Variants in RAB9B observed in about 807,000 individuals in gnomAD.
RAB9B encodes the protein ras-related protein Rab-9B.
In RAB9B, 1 loss-of-function variant was observed where a neutral mutation model predicts 8.9. The observed-to-expected ratio is 0.11, with a 90% CI of 0.04 to 0.53. The LOEUF (loss-of-function observed/expected upper bound fraction) is 0.53, where lower values mean the gene tolerates loss of function less well. RAB9B is among the 20% of genes least tolerant of loss of function. The probability of loss-of-function intolerance (pLI) is 0.93; values close to 1 mark genes in which losing one functional copy is unlikely to be tolerated. For synonymous variants in RAB9B, 63 were observed against 57.0 expected, an observed-to-expected ratio of 1.10 and a Z score of -0.47; for missense variants, 82 against 152.9, an observed-to-expected ratio of 0.54 and a Z score of 2.45.
the RAB9B span, among the ~76,000 whole-genome samples, chrX:103,814,705 A>T: frequency 8.9e-6 from 1 of 111,827 alleles, no homozygotes; most frequent in African/African-American, 3.3e-5. Context: ...ATTAATAAAG[A>T]AGAAAAGAGA....
the RAB9B span, among the ~76,000 whole-genome samples, chrX:103,815,673 T>C: frequency 4.5e-5 from 5 of 112,200 alleles, no homozygotes; most frequent in African/African-American, 9.7e-5. Context: ...TGATTGTATA[T>C]TTAGAAAACA....
At chrX:103,787,522 T>C in the RAB9B span, 1 of 417,189 alleles carries the variant, frequency 2.4e-6, no homozygotes, top group Non-Finnish European at 4.2e-6. Flanking sequence ...ACACCTTATC[T>C]GCCCAAAAAC....
At chrX:103,794,551 C>T in the RAB9B span, among the ~76,000 whole-genome samples, 5 of 111,755 alleles carry the variant, frequency 4.5e-5, no homozygotes, top group South Asian at 1.9e-3. Context: ...TAAGATATAA[C>T]ATATCAAAAC....
Position 103,822,402 on chromosome X carries a change from A to G in RAB9B, c.*2777T>C, listed in dbSNP as rs2074664814. 1 of 112,127 alleles carries G rather than the reference A, an allele frequency of 8.9e-6. No homozygotes were observed. Among genetic ancestry groups the G allele is most frequent in the Admixed American group, 9.5e-5 (1 of 10,556 alleles). 9.2% of individuals were successfully genotyped at this position (112,127 alleles called of 1,213,427 possible). A position where few individuals can be genotyped will look rare whatever the true frequency, so the allele number is the denominator to read the frequency against. On this transcript the variant is annotated 3_prime_UTR_variant, in exon 3 of 3. Coordinates refer to ENST00000243298, the MANE Select transcript of RAB9B (RefSeq NM_016370.4). ...TTACAGTTGAAAGAAAATATTTGAT[A>G]CACAATTTTGAGTTTTTTTTAGCAG...
chrX:103,821,924 T>C (rs1462827241), downstream of RAB9B, among the ~76,000 whole-genome samples: 2 of 111,077 alleles, frequency 1.8e-5, no homozygotes, highest in Non-Finnish European at 3.8e-5. Flanking sequence ...TAAATTATAA[T>C]AAAGAAATAA....
Position 103,824,895 on chromosome X carries a change from T to C in RAB9B, c.*284A>G, listed in dbSNP as rs1269463928. The C allele has an allele frequency of 5.4e-6, 1 of 184,095 alleles. No individual in the cohort carries two copies. The highest frequency in any genetic ancestry group is 3.0e-5 in the African/African-American group (1 of 33,357). The allele number at this position is 184,095 out of a possible 1,213,427, so 15.2% of individuals were successfully genotyped here. ...GGTTTAAACTGTGATTTAAAAAATA[T>C]TTAACTGTCTCAGGACTAAAATTTT... On this transcript the variant is annotated 3_prime_UTR_variant, in exon 3 of 3. Transcript: ENST00000243298.
At chrX:103,785,678 G>T in the RAB9B span, 9 of 1,209,531 alleles carry the variant, frequency 7.4e-6, no homozygotes, top group South Asian at 1.6e-4. Flanking sequence ...CTGTTCTGTG[G>T]CTGTGGACAT....
chrX:103,831,818 G>C (rs777125546), intron 1 of RAB9B, among the ~76,000 whole-genome samples: 12 of 110,569 alleles, frequency 1.1e-4, no homozygotes, highest in Non-Finnish European at 1.9e-4. Context: ...TCCCCACGGA[G>C]CCCTGCGCCT....
At chrX:103,785,151 C>T in the RAB9B span, among the ~76,000 whole-genome samples, 3 of 110,939 alleles carry the variant, frequency 2.7e-5, no homozygotes, top group Non-Finnish European at 3.8e-5. Context: ...TCTTGGCTCA[C>T]GGCAACCTCC....
chrX:103,788,896 T>C, the RAB9B span: 1 of 275,939 alleles, frequency 3.6e-6, no homozygotes, highest in Non-Finnish European at 6.4e-6. Context: ...AATTTGGAAC[T>C]TCTTTATCTC....
downstream of RAB9B, chrX:103,822,238 T>C (rs1480246310): frequency 1.8e-5 from 2 of 112,141 alleles, no homozygotes; most frequent in African/African-American, 6.5e-5. Flanking sequence ...CAGTGCAGCC[T>C]GAAAGAGTGA....
chrX:103,812,541 CTT>C, the RAB9B span, among the ~76,000 whole-genome samples: 1 of 111,921 alleles, frequency 8.9e-6, no homozygotes. Context: ...CTTTTAAAGA[CTT>C]GGGTCACTAA....
the RAB9B span, chrX:103,776,446 C>G: frequency 8.9e-6 from 1 of 112,657 alleles, no homozygotes; most frequent in Non-Finnish European, 1.9e-5. Flanking sequence ...GGAGCAGATT[C>G]GGAAGGACTT....
the RAB9B span, among the ~76,000 whole-genome samples, chrX:103,811,887 T>C: frequency 0.014 from 1,595 of 110,499 alleles, 18 homozygotes; most frequent in Non-Finnish European, 0.023. Context: ...GCAGATTCAG[T>C]GTCTGGTGGG....
chrX:103,831,756 C>G (rs914432939), intron 1 of RAB9B, among the ~76,000 whole-genome samples: 7 of 109,932 alleles, frequency 6.4e-5, no homozygotes, highest in African/African-American at 1.7e-4. Flanking sequence ...CACCTCACCC[C>G]CAGCTCTTAG....
chrX:103,809,850 A>G, the RAB9B span, among the ~76,000 whole-genome samples: 6 of 107,662 alleles, frequency 5.6e-5, no homozygotes, highest in African/African-American at 2.0e-4. Context: ...GGCTGAAGTC[A>G]TACTCCTGGG....
chrX:103,828,789 A>G (rs948341915), intron 1 of RAB9B, among the ~76,000 whole-genome samples: 1 of 112,105 alleles, frequency 8.9e-6, no homozygotes, highest in Non-Finnish European at 1.9e-5. Context: ...ATGTGCACAC[A>G]TAACTTCTGG....
At chrX:103,812,236 A>G in the RAB9B span, among the ~76,000 whole-genome samples, 1 of 111,212 alleles carries the variant, frequency 9.0e-6, no homozygotes, top group African/African-American at 3.3e-5. Context: ...ATTACCTCCT[A>G]AAGACTCCAC....
chrX:103,804,745 C>T, the RAB9B span, among the ~76,000 whole-genome samples: 4 of 111,262 alleles, frequency 3.6e-5, no homozygotes, highest in Non-Finnish European at 5.7e-5. Context: ...ACTTTTTTGT[C>T]AATTTTTTTC....
Sources: allele counts gnomAD v4.1 joint callset (sites outside exome capture counted in the v4.1 genomes callset), GRCh38; gene constraint gnomAD v4.1.1; transcripts MANE v1.5; gene names NCBI Gene and HGNC (gene_info 2026-07-23, HGNC 2026-07-21).